HOMER1: variants seen among roughly 807,000 people sequenced by gnomAD.
HOMER1 encodes the protein homer scaffold protein 1.
A neutral mutation model predicts 48.9 loss-of-function variants in HOMER1; 3 were observed. The ratio of observed to expected loss-of-function variants is 0.06; its 90% CI spans 0.03 to 0.16. The LOEUF (loss-of-function observed/expected upper bound fraction) is 0.16, where lower values mean the gene tolerates loss of function less well. Ranked by LOEUF, HOMER1 falls within the 10% of genes least tolerant of loss-of-function variation. The probability of loss-of-function intolerance (pLI) is 1.00; values close to 1 mark genes in which losing one functional copy is unlikely to be tolerated. For synonymous variants in HOMER1, 134 were observed against 146.4 expected (o/e 0.92, Z 0.61); for missense variants, 247 against 411.4 (o/e 0.60, Z 3.46).
intron 5 of HOMER1, among the ~76,000 whole-genome samples, chr5:79,404,595 T>A (rs1749615700): frequency 6.6e-6 from 1 of 152,226 alleles, no homozygotes; most frequent in Non-Finnish European, 1.5e-5. Context: ...CAGCCACACA[T>A]GACTGGTGGC....
At chr5:79,462,686 G>A (rs1350902386) in intron 1 of HOMER1, among the ~76,000 whole-genome samples, 4 of 152,156 alleles carry the variant, frequency 2.6e-5, no homozygotes, top group Admixed American at 6.5e-5. Flanking sequence ...ATAAGTTTTG[G>A]TCTAGAAAAA....
At chr5:79,420,084 A>T (rs1010428474) in intron 5 of HOMER1, among the ~76,000 whole-genome samples, 1 of 152,244 alleles carries the variant, frequency 6.6e-6, no homozygotes, top group Non-Finnish European at 1.5e-5. Context: ...TAAATAGGCT[A>T]TCAGTTTGTG....
intron 1 of HOMER1, among the ~76,000 whole-genome samples, chr5:79,466,770 T>C (rs769301696): frequency 3.7e-5 from 5 of 134,222 alleles, no homozygotes; most frequent in African/African-American, 3.6e-5. Flanking sequence ...ATCTAAGTGA[T>C]TTCCCAATAG....
At chr5:79,405,399 A>G (rs750472892) in intron 5 of HOMER1, among the ~76,000 whole-genome samples, 10 of 152,212 alleles carry the variant, frequency 6.6e-5, no homozygotes, top group Non-Finnish European at 1.0e-4. Context: ...AAACTAATAA[A>G]CATAATTTTT....
chr5:79,513,029 C>T lies in HOMER1; in HGVS notation c.-255G>A. The stretch of plus-strand genomic sequence containing the variant: ...TTAAAATGCTTTGCGGAGGAGACAG[C>T]GATCAACTCTATTCCACAAAATGAG... On this transcript the variant is annotated 5_prime_UTR_variant, in exon 1 of 9. Transcript: ENST00000334082. The T allele has an allele frequency of 1.8e-6, 1 of 558,726 alleles. No homozygotes were observed. The highest frequency in any genetic ancestry group is 3.2e-6 in the Non-Finnish European group (1 of 313,986). The allele number at this position is 558,726 out of a possible 1,614,324, so 34.6% of individuals were successfully genotyped here. A position where few individuals can be genotyped will look rare whatever the true frequency, so the allele number is the denominator to read the frequency against.
chr5:79,383,433 T>G (rs950261844), intron 8 of HOMER1, among the ~76,000 whole-genome samples: 1 of 151,114 alleles, frequency 6.6e-6, no homozygotes, highest in Non-Finnish European at 1.5e-5. Context: ...TCACCTAGAC[T>G]AGAGTGCAGT....
intron 1 of HOMER1, among the ~76,000 whole-genome samples, chr5:79,500,311 G>T (rs1213353277): frequency 6.6e-6 from 1 of 152,144 alleles, no homozygotes; most frequent in Admixed American, 6.6e-5. Context: ...AAAAGAAGAT[G>T]AAGGATCTAA....
rs150094992 is a variant in HOMER1, at chr5:79,450,980, T to C, written c.294+10A>G. On this transcript the variant is annotated intron_variant, in intron 3 of 8. Coordinates refer to ENST00000334082, the MANE Select transcript of HOMER1 (RefSeq NM_004272.5). ...GAAGATTTTCATTCAAATTTTATGATTTAACTCACTTTCGAAAGATGATGC... is the reference window on the plus strand; with the variant it reads ...GAAGATTTTCATTCAAATTTTATGACTTAACTCACTTTCGAAAGATGATGC... The C allele has an allele frequency of 2.2e-4, 350 of 1,611,232 alleles. 1 individual carries two copies. In the African/African-American group the frequency reaches 3.7e-3, roughly 17 times the overall value.
chr5:79,499,080 C>T (rs1020356722), intron 1 of HOMER1, among the ~76,000 whole-genome samples: 3 of 152,020 alleles, frequency 2.0e-5, no homozygotes, highest in African/African-American at 7.3e-5. Context: ...GTGATCTGCC[C>T]ACCTCGGCCT....
intron 5 of HOMER1, among the ~76,000 whole-genome samples, chr5:79,420,753 C>T (rs952487853): frequency 4.0e-4 from 61 of 152,244 alleles, no homozygotes; most frequent in South Asian, 6.2e-4. Context: ...TGGATCACTA[C>T]CTCCACATCA....
intron 8 of HOMER1, among the ~76,000 whole-genome samples, chr5:79,387,663 A>G (rs1749152126): frequency 6.6e-6 from 1 of 152,174 alleles, no homozygotes; most frequent in African/African-American, 2.4e-5. Context: ...TCTATGTACT[A>G]GGCATTGGGG....
chr5:79,468,906 T>C (rs1341794001), intron 1 of HOMER1, among the ~76,000 whole-genome samples: 1 of 152,232 alleles, frequency 6.6e-6, no homozygotes, highest in Non-Finnish European at 1.5e-5. Flanking sequence ...GCCTGATCAC[T>C]AGAGAGCTTA....
At chr5:79,408,401 GA>G (rs1207944387) in intron 5 of HOMER1, among the ~76,000 whole-genome samples, 2 of 151,988 alleles carry the variant, frequency 1.3e-5, no homozygotes, top group Non-Finnish European at 1.5e-5. Context: ...AAATATTAAA[GA>G]AAGTTCTTTA....
rs75223211 is a variant in HOMER1 at position 79,382,011 on chromosome 5, A to C, written c.877-5814T>G. On this transcript the variant is annotated intron_variant, in intron 8 of 8. Coordinates refer to ENST00000334082, the MANE Select transcript of HOMER1 (RefSeq NM_004272.5). Reference sequence around the variant, plus strand: ...CTGGATATGAAGAATTCATTGAATGAAATAAAAAATACATTCAAAAGATTC... The same window carrying C: ...CTGGATATGAAGAATTCATTGAATGCAATAAAAAATACATTCAAAAGATTC... 7.5e-4 allele frequency among the ~76,000 whole-genome samples: 114 copies of C among 152,362 alleles called. 1 individual carries two copies. In the East Asian group the frequency reaches 0.02, roughly 27 times the overall value.
chr5:79,422,186 C>T (rs1750120566), intron 5 of HOMER1, among the ~76,000 whole-genome samples: 1 of 151,466 alleles, frequency 6.6e-6, no homozygotes, highest in African/African-American at 2.4e-5. Context: ...AAGATCGTGC[C>T]ACTGCACTCC....
chr5:79,434,198 T>G (rs973864326), intron 5 of HOMER1, among the ~76,000 whole-genome samples: 2 of 152,140 alleles, frequency 1.3e-5, no homozygotes, highest in Non-Finnish European at 2.9e-5. Context: ...TGTACCATAT[T>G]TGAGGATCAA....
intron 8 of HOMER1, among the ~76,000 whole-genome samples, chr5:79,391,380 G>A (rs149057696): frequency 1.3e-4 from 19 of 151,648 alleles, no homozygotes; most frequent in African/African-American, 3.6e-4. Flanking sequence ...TCTTCCCGCC[G>A]TGGTCTCCCA....
intron 1 of HOMER1, among the ~76,000 whole-genome samples, chr5:79,493,949 T>G (rs1016541184): frequency 6.6e-6 from 1 of 152,220 alleles, no homozygotes. Flanking sequence ...ATTTCCACCC[T>G]ACACTTCTCA....
At chr5:79,434,604 A>G (rs1750520314) in intron 5 of HOMER1, among the ~76,000 whole-genome samples, 1 of 152,150 alleles carries the variant, frequency 6.6e-6, no homozygotes, top group Non-Finnish European at 1.5e-5. Flanking sequence ...AAAATTTAAT[A>G]ACATTTCCCC....
Sources: allele counts gnomAD v4.1 joint callset (sites outside exome capture counted in the v4.1 genomes callset), GRCh38; gene constraint gnomAD v4.1.1; transcripts MANE v1.5; gene names NCBI Gene and HGNC (gene_info 2026-07-23, HGNC 2026-07-21).